Variants in KCNQ3 observed in about 807,000 individuals in gnomAD.
The protein encoded by KCNQ3 is potassium voltage-gated channel subfamily KQT member 3.
Under a neutral mutation model 92.5 loss-of-function variants are expected in KCNQ3, and 30 were observed. The observed-to-expected ratio is 0.32, with a 90% CI of 0.24 to 0.44. The LOEUF is 0.44. Among genes scored for constraint, KCNQ3 ranks in the 20% least tolerant of loss-of-function variants. The pLI is 1.00. For missense variants in KCNQ3, 913 were observed against 1,140.3 expected (o/e 0.80, Z 2.87); for synonymous variants, 450 against 468.8 (o/e 0.96, Z 0.52).
intron 1 of KCNQ3, among the ~76,000 whole-genome samples, chr8:132,260,852 T>C (rs1430374101): frequency 1.3e-5 from 2 of 151,992 alleles, no homozygotes; most frequent in Non-Finnish European, 2.9e-5. Context: ...CATCCAAACA[T>C]CCATCCATCC....
intron 1 of KCNQ3, among the ~76,000 whole-genome samples, chr8:132,394,375 C>G (rs556097534): frequency 6.6e-6 from 1 of 152,246 alleles, no homozygotes; most frequent in South Asian, 2.1e-4. Flanking sequence ...AACTTACTAG[C>G]TATGCAGACC....
At chr8:132,173,779 G>A (rs973736257) in intron 6 of KCNQ3, among the ~76,000 whole-genome samples, 2 of 152,180 alleles carry the variant, frequency 1.3e-5, no homozygotes, top group African/African-American at 4.8e-5. Context: ...TGAGAGACAT[G>A]TATTTTTTAC....
chr8:132,273,388 G>A (rs977010559), intron 1 of KCNQ3, among the ~76,000 whole-genome samples: 2 of 152,232 alleles, frequency 1.3e-5, no homozygotes, highest in East Asian at 3.9e-4. Flanking sequence ...CATGGCTGGA[G>A]TGGCTGGAAT....
intron 1 of KCNQ3, among the ~76,000 whole-genome samples, chr8:132,360,080 G>T (rs1819124298): frequency 6.6e-6 from 1 of 152,128 alleles, no homozygotes; most frequent in Non-Finnish European, 1.5e-5. Flanking sequence ...CAGATTTTAG[G>T]ACTCTACAGC....
At chr8:132,190,252 A>C (rs1827119437) in intron 1 of KCNQ3, among the ~76,000 whole-genome samples, 1 of 152,168 alleles carries the variant, frequency 6.6e-6, no homozygotes, top group Non-Finnish European at 1.5e-5. Context: ...GGTAATCTCC[A>C]ATGAGTCAGG....
chr8:132,191,611 A>G (rs113269210), intron 1 of KCNQ3, among the ~76,000 whole-genome samples: 3 of 96,316 alleles, frequency 3.1e-5, no homozygotes, highest in Admixed American at 9.7e-5. Flanking sequence ...ATGTGTGTGT[A>G]TGTATATATA....
At chr8:132,174,910 T>C (rs1249031111) in intron 5 of KCNQ3, among the ~76,000 whole-genome samples, 5 of 152,250 alleles carry the variant, frequency 3.3e-5, no homozygotes, top group Non-Finnish European at 5.9e-5. Context: ...ACTTACTGGC[T>C]GAAAGACCTT....
chr8:132,132,150 A>G (rs1424463935), intron 14 of KCNQ3, 30 bp downstream of exon 14: 1 of 1,352,016 alleles, frequency 7.4e-7, no homozygotes, highest in Admixed American at 1.7e-5. Flanking sequence ...TCACAGATCC[A>G]GTTTTTGGTG....
At chr8:132,291,207 G>A (rs904708905) in intron 1 of KCNQ3, among the ~76,000 whole-genome samples, 6 of 152,208 alleles carry the variant, frequency 3.9e-5, no homozygotes, top group African/African-American at 1.4e-4. Context: ...ACTCAGCACA[G>A]TGTTAACACC....
At chr8:132,454,565 G>A (rs1465325558) in intron 1 of KCNQ3, among the ~76,000 whole-genome samples, 1 of 152,108 alleles carries the variant, frequency 6.6e-6, no homozygotes, top group African/African-American at 2.4e-5. Flanking sequence ...TGGAGACCCA[G>A]AGGAATGAAA....
rs184157870 is a variant in KCNQ3, at chr8:132,148,233, G to A, written c.1263-6902C>T. Among the ~76,000 whole-genome samples the A allele has an allele frequency of 1.4e-3, 214 of 152,190 alleles. 2 individuals carry two copies. Among genetic ancestry groups the A allele is most frequent in the Non-Finnish European group, 2.2e-3 (149 of 68,014 alleles). On this transcript the variant is annotated intron_variant, in intron 9 of 14. Transcript: ENST00000388996. ...TTCCTTAAATGGTATAAACATTGAAGAAGATGATGGTAATTTCTTTTTCTT... is the reference window on the plus strand; with the variant it reads ...TTCCTTAAATGGTATAAACATTGAAAAAGATGATGGTAATTTCTTTTTCTT...
intron 1 of KCNQ3, among the ~76,000 whole-genome samples, chr8:132,432,545 T>C (rs1050744626): frequency 3.3e-5 from 5 of 152,194 alleles, no homozygotes; most frequent in Non-Finnish European, 7.3e-5. Flanking sequence ...ACTCATCTCC[T>C]TCCTTAAGAG....
chr8:132,342,442 G>A (rs1398187606), intron 1 of KCNQ3, among the ~76,000 whole-genome samples: 1 of 152,160 alleles, frequency 6.6e-6, no homozygotes. Flanking sequence ...AGGTAAAGGT[G>A]GCCAACAGGC....
chr8:132,369,175 A>G (rs1819404106), intron 1 of KCNQ3, among the ~76,000 whole-genome samples: 2 of 152,154 alleles, frequency 1.3e-5, no homozygotes, highest in Non-Finnish European at 2.9e-5. Context: ...AAGAGTACAT[A>G]CTATTAATGT....
chr8:132,321,898 G>A (rs1005777711), intron 1 of KCNQ3, among the ~76,000 whole-genome samples: 2 of 152,208 alleles, frequency 1.3e-5, no homozygotes, highest in South Asian at 4.1e-4. Flanking sequence ...CCTGGGCAGA[G>A]TCTCTTCCAG....
At position 132,134,281 on chromosome 8, in the gene KCNQ3, T is replaced by A; in HGVS notation, c.1799+9A>T. On this transcript the variant is annotated intron_variant, in intron 13 of 14. Coordinates refer to ENST00000388996, the MANE Select transcript of KCNQ3 (RefSeq NM_004519.4). ...CCCTGGCCCATCAGTCCATGTCCAC[T>A]GGCCCCACCTGGGAGATTGCTGGGA... 2 of 1,608,470 alleles carry A rather than the reference T, an allele frequency of 1.2e-6. No individual in the cohort carries two copies. The highest frequency in any genetic ancestry group is 1.7e-6 in the Non-Finnish European group (2 of 1,175,216).
In KCNQ3 at chr8:132,129,809, C is replaced by A. The variant is rs758790946; in HGVS notation, c.2072G>T (p.Gly691Val). ...GAAGCTGTAGGGTGGTTCCGGGGGGCCTGTCTCAGAATAGTTGCAGATGAT... is the reference window on the plus strand; with the variant it reads ...GAAGCTGTAGGGTGGTTCCGGGGGGACTGTCTCAGAATAGTTGCAGATGAT... The part of the protein sequence containing the change: ...KTIICNYSET[G>V]PPEPPYSFHQ... Residue 691 changes from glycine to valine, a missense_variant, in exon 15 of 15, where the codon GGC (glycine) becomes GTC (valine). This residue lies in a region of KCNQ3 where 375 missense variants were observed against 376.4 expected (regional missense o/e 1.00). Coordinates refer to ENST00000388996, the MANE Select transcript of KCNQ3 (RefSeq NM_004519.4). This position sits in a 1 kb window ranked among gnomAD's most constrained non-coding sequence, Gnocchi z 5.9. 46 of 1,614,018 alleles carry A rather than the reference C, an allele frequency of 2.9e-5. No homozygotes were observed. The highest frequency in any genetic ancestry group is 3.8e-5 in the Non-Finnish European group (45 of 1,180,030).
intron 1 of KCNQ3, among the ~76,000 whole-genome samples, chr8:132,316,098 T>C (rs1166088408): frequency 6.6e-6 from 1 of 152,094 alleles, no homozygotes; most frequent in Non-Finnish European, 1.5e-5. Flanking sequence ...CCTTGCTTAT[T>C]TTTTTTTCCT....
Position 132,448,502 on chromosome 8 carries a change from G to GAA in KCNQ3, c.386+31643_386+31644dup. On this transcript the variant is annotated intron_variant, in intron 1 of 14. Coordinates refer to ENST00000388996, the MANE Select transcript of KCNQ3 (RefSeq NM_004519.4). ...TCTAAGGGGGAAGAAGGAGAAATAT[G>GAA]AAAAAAAAAAAAAAAAAAAAAGAGG... Among the ~76,000 whole-genome samples, 299 of 93,840 alleles carry GAA rather than the reference G, an allele frequency of 3.2e-3. 1 individual carries two copies. The highest frequency in any genetic ancestry group is 9.0e-3 in the African/African-American group (213 of 23,594). The allele number at this position is 93,840 out of a possible 152,430, so 61.6% of individuals were successfully genotyped here. A position where few individuals can be genotyped will look rare whatever the true frequency, so the allele number is the denominator to read the frequency against.
Sources: allele counts gnomAD v4.1 joint callset (sites outside exome capture counted in the v4.1 genomes callset), GRCh38; gene constraint gnomAD v4.1.1; regional missense constraint gnomAD v4.1.1; non-coding constraint Gnocchi (gnomAD v3.1); transcripts MANE v1.5; gene names NCBI Gene and HGNC (gene_info 2026-07-23, HGNC 2026-07-21).